Variants in ZC3H12B observed in about 807,000 individuals in gnomAD.
ZC3H12B encodes the protein probable ribonuclease ZC3H12B.
Under a neutral mutation model 43.9 loss-of-function variants are expected in ZC3H12B, and 7 were observed. That is an observed-to-expected ratio of 0.16 (90% CI 0.09 to 0.30). The LOEUF is 0.30. ZC3H12B is among the 10% of genes least tolerant of loss of function. The probability of loss-of-function intolerance (pLI) is 1.00; values close to 1 mark genes in which losing one functional copy is unlikely to be tolerated. For missense variants in ZC3H12B, 475 were observed against 670.2 expected (o/e 0.71, Z 3.22); for synonymous variants, 222 against 241.7 (o/e 0.92, Z 0.76).
the ZC3H12B span, among the ~76,000 whole-genome samples, chrX:65,114,916 A>ATTTTTTTTTTTTTTT: frequency 1.0e-4 from 2 of 19,324 alleles, no homozygotes; most frequent in African/African-American, 5.3e-4. Flanking sequence ...GTGTCTCAGG[A>ATTTTTTTTTTTTTTT]TTTTTTTTTT....
chrX:65,225,075 A>G, the ZC3H12B span, among the ~76,000 whole-genome samples: 1 of 112,019 alleles, frequency 8.9e-6, no homozygotes, highest in Non-Finnish European at 1.9e-5. Flanking sequence ...TGCCTCCTCA[A>G]GTGGGTCCCT....
At chrX:65,499,288 T>C in intron 3 of ZC3H12B, 55 bp downstream of exon 8, 1 of 910,113 alleles carries the variant, frequency 1.1e-6, no homozygotes, top group Non-Finnish European at 1.5e-6. Context: ...ATAGATTACA[T>C]TTTAATAAAC....
rs139211935 is a variant in ZC3H12B at position 65,429,554 on chromosome X, G to T, written n.407+30850G>T. On this transcript the variant is annotated intron_variant and non_coding_transcript_variant, in intron 3 of 5. Transcript: ENST00000617377. The stretch of plus-strand genomic sequence containing the variant: ...CAAAATCTGGCAAAGCAGCTGTGCT[G>T]CAATGAAGGGGGTGGGGGGCTTTCT... Among the ~76,000 whole-genome samples the T allele has an allele frequency of 1.1e-4, 12 of 112,734 alleles. No homozygotes were observed. The East Asian group carries it at 3.4e-3, about 32-fold the overall frequency.
chrX:65,373,933 G>GTA lies in ZC3H12B; in HGVS notation n.295+4946_295+4947dup, dbSNP rs373674113. On this transcript the variant is annotated intron_variant and non_coding_transcript_variant, in intron 2 of 5. Transcript: ENST00000617377. ...GTTATATATATATACTATATATATA[G>GTA]TATATATATATAGTTATATATATAT... Among the ~76,000 whole-genome samples, 12 of 41,304 alleles carry GTA rather than the reference G, an allele frequency of 2.9e-4. No individual in the cohort carries two copies. The South Asian group carries it at 6.3e-3, about 22-fold the overall frequency. The allele number at this position is 41,304 out of a possible 115,157, so 35.9% of individuals were successfully genotyped here.
the ZC3H12B span, among the ~76,000 whole-genome samples, chrX:65,326,314 C>T: frequency 2.7e-5 from 3 of 111,088 alleles, no homozygotes; most frequent in Non-Finnish European, 3.8e-5. Context: ...CAATGAACTC[C>T]GTAGAAAGAA....
intron 1 of ZC3H12B, among the ~76,000 whole-genome samples, chrX:65,495,675 G>A (rs1365362586): frequency 2.7e-5 from 3 of 111,680 alleles, no homozygotes; most frequent in Admixed American, 1.9e-4. Context: ...CTAAGAGATC[G>A]TAATTTTCAC....
chrX:65,499,167 T>C (rs1288557801), exon 3 of ZC3H12B: 1 of 1,211,010 alleles, frequency 8.3e-7, no homozygotes, highest in Non-Finnish European at 1.1e-6. Flanking sequence ...GACCTTCAAG[T>C]TGAAAAGCCA....
At chrX:65,338,084 C>T in the ZC3H12B span, among the ~76,000 whole-genome samples, 1 of 111,882 alleles carries the variant, frequency 8.9e-6, no homozygotes, top group Non-Finnish European at 1.9e-5. Flanking sequence ...TAGCTGATTG[C>T]TTTATAGTTT....
At chrX:65,186,486 T>A in the ZC3H12B span, 1 of 94,182 alleles carries the variant, frequency 1.1e-5, no homozygotes, top group African/African-American at 4.5e-5. Flanking sequence ...AGTAAGACTC[T>A]GTGTCAAAAA....
At chrX:65,329,207 C>T in the ZC3H12B span, among the ~76,000 whole-genome samples, 1 of 111,187 alleles carries the variant, frequency 9.0e-6, no homozygotes, top group Non-Finnish European at 1.9e-5. Flanking sequence ...CTCTCCAGCA[C>T]CTGTTCTTTC....
the ZC3H12B span, among the ~76,000 whole-genome samples, chrX:65,084,519 T>G: frequency 1.8e-5 from 2 of 112,522 alleles, no homozygotes; most frequent in Admixed American, 1.9e-4. Context: ...CTCAACGTCA[T>G]TGATCATCAG....
chrX:65,295,861 T>G, the ZC3H12B span, among the ~76,000 whole-genome samples: 1 of 110,341 alleles, frequency 9.1e-6, no homozygotes, highest in African/African-American at 3.3e-5. Flanking sequence ...CAGGAAGAAA[T>G]AGAATCTCTT....
chrX:65,462,877 C>G (rs1340683367), intron 3 of ZC3H12B, among the ~76,000 whole-genome samples: 1 of 112,319 alleles, frequency 8.9e-6, no homozygotes, highest in East Asian at 2.8e-4. Context: ...AGTTGTCCAT[C>G]AATGGTGGAT....
At chrX:65,147,510 T>C in the ZC3H12B span, among the ~76,000 whole-genome samples, 2 of 111,136 alleles carry the variant, frequency 1.8e-5, no homozygotes, top group Admixed American at 1.9e-4. Flanking sequence ...TCTTTGATGG[T>C]CCTTGAGCAT....
chrX:65,147,906 T>G, the ZC3H12B span, among the ~76,000 whole-genome samples: 1 of 110,570 alleles, frequency 9.0e-6, no homozygotes, highest in South Asian at 4.0e-4. Flanking sequence ...AGCCTGAGTT[T>G]CCTGGGGGGA....
chrX:65,336,860 A>T, the ZC3H12B span, among the ~76,000 whole-genome samples: 1 of 112,374 alleles, frequency 8.9e-6, no homozygotes, highest in African/African-American at 3.2e-5. Flanking sequence ...ATGACCCTGT[A>T]CATGCCAAAT....
At chrX:65,428,522 T>C (rs990335807) in intron 3 of ZC3H12B, among the ~76,000 whole-genome samples, 2 of 112,720 alleles carry the variant, frequency 1.8e-5, no homozygotes, top group African/African-American at 6.4e-5. Flanking sequence ...ACTCTGAGAT[T>C]CTTTCCTCCA....
At chrX:65,329,452 C>A in the ZC3H12B span, among the ~76,000 whole-genome samples, 1 of 100,602 alleles carries the variant, frequency 9.9e-6, no homozygotes, top group Non-Finnish European at 1.9e-5. Context: ...GATATTAGCC[C>A]TTTGTCAGAT....
intron 2 of ZC3H12B, among the ~76,000 whole-genome samples, chrX:65,388,665 G>C (rs1239088839): frequency 4.5e-5 from 5 of 111,915 alleles, no homozygotes; most frequent in Non-Finnish European, 5.6e-5. Flanking sequence ...CTCCATCCGG[G>C]TTTGTTCCAT....
Sources: allele counts gnomAD v4.1 joint callset (sites outside exome capture counted in the v4.1 genomes callset), GRCh38; gene constraint gnomAD v4.1.1; transcripts MANE v1.5; gene names NCBI Gene and HGNC (gene_info 2026-07-23, HGNC 2026-07-21).